Variants in KIF1C observed in about 807,000 individuals in gnomAD.
The protein encoded by KIF1C is kinesin-like protein KIF1C.
Under a neutral mutation model 126.5 loss-of-function variants are expected in KIF1C, and 61 were observed. The observed-to-expected ratio is 0.48, with a 90% confidence interval of 0.39 to 0.60. KIF1C has a LOEUF of 0.60. Ranked by LOEUF, KIF1C falls within the 20% of genes least tolerant of loss-of-function variation. KIF1C has a pLI of 0.00. For missense variants in KIF1C, 1,315 were observed against 1,489.2 expected (o/e 0.88, Z 1.93); for synonymous variants, 640 against 580.6 (o/e 1.10, Z -1.47).
chr17:5,004,794 A>G, intron 12 of KIF1C, 61 bp from the exon 13 acceptor site: 3 of 1,610,132 alleles, frequency 1.9e-6, no homozygotes, highest in Non-Finnish European at 2.5e-6. Context: ...GGGAAGGAGA[A>G]ACAGCAGACC....
intron 10 of KIF1C, 39 bp from the exon 11 acceptor site, chr17:5,003,959 G>A (rs758174745): frequency 1.2e-6 from 2 of 1,610,766 alleles, no homozygotes; most frequent in Non-Finnish European, 8.5e-7. Context: ...GGAAAGGGGA[G>A]TGACCCACCC....
intron 2 of KIF1C, 112 bp downstream of exon 2, chr17:5,000,082 G>A (rs1428559151): frequency 1.7e-6 from 1 of 604,206 alleles, no homozygotes; most frequent in African/African-American, 1.9e-5. Context: ...GAAAGCCAAG[G>A]GAATAAGAGC....
chr17:5,014,343 CG>C (rs1381746074), intron 17 of KIF1C: 1 of 183,474 alleles, frequency 5.5e-6, no homozygotes, highest in Non-Finnish European at 1.1e-5. Context: ...CCCAGTGGCC[CG>C]GGGGGCAGCC....
intron 17 of KIF1C, 57 bp from the exon 18 acceptor site, chr17:5,014,686 G>A: frequency 1.6e-6 from 2 of 1,257,964 alleles, no homozygotes; most frequent in Non-Finnish European, 1.1e-6. Flanking sequence ...TGGTGTTCAG[G>A]AGGGGCTTGG....
chr17:5,009,705 A>C (rs764480321), intron 16 of KIF1C, among the ~76,000 whole-genome samples: 1 of 149,884 alleles, frequency 6.7e-6, no homozygotes, highest in African/African-American at 2.4e-5. Flanking sequence ...GTAGAATGAC[A>C]TGAACCCGGG....
intron 16 of KIF1C, among the ~76,000 whole-genome samples, chr17:5,008,501 G>T (rs1261893947): frequency 6.6e-6 from 1 of 152,216 alleles, no homozygotes; most frequent in Non-Finnish European, 1.5e-5. Context: ...GATACACTGT[G>T]CTCTGAGCCA....
chr17:5,018,611 C>T (rs1209404354), intron 18 of KIF1C, among the ~76,000 whole-genome samples: 2 of 151,896 alleles, frequency 1.3e-5, no homozygotes, highest in Non-Finnish European at 2.9e-5. Flanking sequence ...ATTGCTTGAA[C>T]CCAGGAGGAG....
chr17:5,005,695 G>A (rs539146233), intron 13 of KIF1C, among the ~76,000 whole-genome samples: 3 of 151,886 alleles, frequency 2.0e-5, no homozygotes, highest in Non-Finnish European at 2.9e-5. Context: ...CACACATGAC[G>A]TGGGACCAGT....
rs1261739713 is a variant in KIF1C at position 5,022,421 on chromosome 17, G to A, written c.2340G>A (p.Arg780=). The A allele has an allele frequency of 1.3e-6, 2 of 1,580,210 alleles. No homozygotes were observed. Among genetic ancestry groups the A allele is most frequent in the African/African-American group, 1.3e-5 (1 of 74,204 alleles). ...AGGCCCTGGCCGCCCTCAAGATGCGGGAGCTGTGTCGCACCTATGGCAAGC... is the reference window on the plus strand; with the variant it reads ...AGGCCCTGGCCGCCCTCAAGATGCGAGAGCTGTGTCGCACCTATGGCAAGC... The part of the protein sequence containing the change: ...EIEALAALKM[R]ELCRTYGKPD... Residue 780 remains arginine (R), a synonymous_variant, in exon 22 of 23, where the codon CGG becomes CGA. Transcript: ENST00000320785. The surrounding 1 kb of genome is among the most constrained non-coding windows in gnomAD (Gnocchi z 4.9).
In KIF1C at chr17:5,014,734, C is replaced by G. The variant is rs780174774; in HGVS notation, c.1572-9C>G. 5.1e-6 allele frequency: 8 copies of G among 1,579,072 alleles called. No individual in the cohort carries two copies. Among genetic ancestry groups the G allele is most frequent in the Non-Finnish European group, 6.9e-6 (8 of 1,161,976 alleles). On this transcript the variant is annotated splice_polypyrimidine_tract_variant and intron_variant, in intron 17 of 22. Transcript: ENST00000320785. ...ACATGCTCACAAACGTTGGCCATTG[C>G]TTCCCCAGGGTCGGCCAAGTAGATA...
At position 5,020,937 on chromosome 17, in the gene KIF1C, C is replaced by A; in HGVS notation, c.2010+59C>A. On this transcript the variant is annotated intron_variant, in intron 21 of 22. Transcript: ENST00000320785. This position sits in a 1 kb window ranked among gnomAD's most constrained non-coding sequence, Gnocchi z 5.8. ...GGGCAGATGAGCCGCAAGCCTGAGTCCGAGTGCAGTGCTCACCGCTGAGCC... is the reference window on the plus strand; with the variant it reads ...GGGCAGATGAGCCGCAAGCCTGAGTACGAGTGCAGTGCTCACCGCTGAGCC... The A allele has an allele frequency of 6.9e-7, 1 of 1,440,998 alleles. No homozygotes were observed. The highest frequency in any genetic ancestry group is 9.6e-7 in the Non-Finnish European group (1 of 1,046,366). 89.3% of individuals were successfully genotyped at this position (1,440,998 alleles called of 1,614,324 possible).
chr17:5,005,800 C>T (rs1597847624), intron 13 of KIF1C, among the ~76,000 whole-genome samples: 1 of 150,348 alleles, frequency 6.7e-6, no homozygotes, highest in East Asian at 2.0e-4. Flanking sequence ...CATCTTGGCT[C>T]ACTGCAACCT....
Position 5,023,324 on chromosome 17 carries a change from C to G in KIF1C, c.2629-144C>G, listed in dbSNP as rs1975132382. 2 of 694,240 alleles carry G rather than the reference C, an allele frequency of 2.9e-6. No homozygotes were observed. The highest frequency in any genetic ancestry group is 2.9e-5 in the Admixed American group (1 of 34,902). The allele number at this position is 694,240 out of a possible 1,614,324, so 43.0% of individuals were successfully genotyped here. On this transcript the variant is annotated intron_variant, in intron 22 of 22. Coordinates refer to ENST00000320785, the MANE Select transcript of KIF1C (RefSeq NM_006612.6). This position sits in a 1 kb window ranked among gnomAD's most constrained non-coding sequence, Gnocchi z 4.2. ...GTGAGCCACTGCGCCCGGCCCTAAA[C>G]CACTATTTTTCGAGCTTCCTTATCT... is the stretch of plus-strand genomic sequence containing the variant.
intron 14 of KIF1C, 53 bp from the exon 15 acceptor site, chr17:5,007,210 C>T: frequency 6.3e-7 from 1 of 1,575,538 alleles, no homozygotes; most frequent in South Asian, 1.1e-5. Flanking sequence ...TGTCCCTACC[C>T]TGGGTCTGCT....
chr17:5,022,141 A>G lies in KIF1C; in HGVS notation c.2060A>G (p.Glu687Gly), dbSNP rs1163238446. 1 of 1,612,764 alleles carries G rather than the reference A, an allele frequency of 6.2e-7. No individual in the cohort carries two copies. The highest frequency in any genetic ancestry group is 1.3e-5 in the African/African-American group (1 of 74,920). The change falls in exon 22 of 23, where the codon GAG (glutamate) becomes GGG (glycine). Residue 687 changes from glutamate to glycine, a missense_variant. By Grantham distance (98) the Glu-to-Gly change is moderately conservative. Coordinates refer to ENST00000320785, the MANE Select transcript of KIF1C (RefSeq NM_006612.6). The surrounding 1 kb of genome is among the most constrained non-coding windows in gnomAD (Gnocchi z 4.9). ...GACTCTGACAAGCGCTCTTGTGAAGAGAGCTGGAGGCTCATCTCCTCCTTG... is the reference window on the plus strand; with the variant it reads ...GACTCTGACAAGCGCTCTTGTGAAGGGAGCTGGAGGCTCATCTCCTCCTTG... ...GDDSDKRSCE[E>G]SWRLISSLRE...
At chr17:5,009,388 C>T (rs117881259) in intron 16 of KIF1C, among the ~76,000 whole-genome samples, 12 of 152,078 alleles carry the variant, frequency 7.9e-5, no homozygotes, top group African/African-American at 1.9e-4. Context: ...CTATGTTGGC[C>T]GGAGTGGTCT....
chr17:5,009,814 C>T (rs1974821288), intron 16 of KIF1C, among the ~76,000 whole-genome samples: 1 of 151,622 alleles, frequency 6.6e-6, no homozygotes, highest in Admixed American at 6.6e-5. Flanking sequence ...AAAATGTTCT[C>T]CTAGAGATGC....
At chr17:5,005,543 C>A (rs1279838385) in intron 13 of KIF1C, among the ~76,000 whole-genome samples, 1 of 152,064 alleles carries the variant, frequency 6.6e-6, no homozygotes, top group Non-Finnish European at 1.5e-5. Flanking sequence ...CTGAAGGGCA[C>A]AGTGTGGGGA....
At position 5,007,245 on chromosome 17, in the gene KIF1C, C is replaced by T. The variant is rs138415448; in HGVS notation, c.1336-18C>T. On this transcript the variant is annotated intron_variant, in intron 14 of 22. Coordinates refer to ENST00000320785, the MANE Select transcript of KIF1C (RefSeq NM_006612.6). Reference sequence around the variant, plus strand: ...TTGTCCCAGACCATCCTGAAACCTACCCACCTTACGCCCCCAGGAGACAGA... The same window carrying T: ...TTGTCCCAGACCATCCTGAAACCTATCCACCTTACGCCCCCAGGAGACAGA... The T allele has an allele frequency of 1.0e-4, 163 of 1,600,576 alleles. No homozygotes were observed. The African/African-American group carries it at 1.9e-3, about 19-fold the overall frequency.
Sources: allele counts gnomAD v4.1 joint callset (sites outside exome capture counted in the v4.1 genomes callset), GRCh38; gene constraint gnomAD v4.1.1; non-coding constraint Gnocchi (gnomAD v3.1); transcripts MANE v1.5; gene names NCBI Gene and HGNC (gene_info 2026-07-23, HGNC 2026-07-21).